The following INTS7 variants were observed in gnomAD, a reference collection of about 807,000 sequenced individuals.
INTS7 encodes integrator complex subunit 7, also known as chromosome 1 open reading frame 73.
Under a neutral mutation model 109.2 loss-of-function variants are expected in INTS7, and 46 were observed. The ratio of observed to expected loss-of-function variants is 0.42; its 90% CI spans 0.33 to 0.54. INTS7 has a LOEUF of 0.54. Ranked by LOEUF, INTS7 falls within the 20% of genes least tolerant of loss-of-function variation. The probability of loss-of-function intolerance (pLI) is 0.07; values close to 1 mark genes in which losing one functional copy is unlikely to be tolerated. For synonymous variants in INTS7, 412 were observed against 402.9 expected, an observed-to-expected ratio of 1.02 and a Z score of -0.27; for missense variants, 929 against 1,132.4, an observed-to-expected ratio of 0.82 and a Z score of 2.58.
chr1:211,951,798 A>C (rs1331240522), intron 17 of INTS7, among the ~76,000 whole-genome samples: 1 of 152,246 alleles, frequency 6.6e-6, no homozygotes, highest in African/African-American at 2.4e-5. Flanking sequence ...CTGTTGTTTA[A>C]GGTACCAAGC....
rs1413340909 is a variant in INTS7, at chr1:212,035,496, C to T, written c.-59G>A. ...AAGCTTGCAAACTCTACCCCAGGAC[C>T]GCCATCTTCCCCCGCCGCCTTCTTG... On this transcript the variant is annotated 5_prime_UTR_variant, in exon 1 of 20. Coordinates refer to ENST00000366994, the MANE Select transcript of INTS7 (RefSeq NM_015434.4). 3 of 1,235,582 alleles carry T rather than the reference C, an allele frequency of 2.4e-6. No individual in the cohort carries two copies. Among genetic ancestry groups the T allele is most frequent in the Admixed American group, 1.7e-5 (1 of 59,308 alleles). 76.5% of individuals were successfully genotyped at this position (1,235,582 alleles called of 1,614,324 possible).
chr1:212,032,096 T>C (rs1000939230), intron 1 of INTS7, among the ~76,000 whole-genome samples: 1 of 152,212 alleles, frequency 6.6e-6, no homozygotes, highest in South Asian at 2.1e-4. Context: ...CAGTAGCTCA[T>C]ACCAAAAACC....
At chr1:211,966,343 T>C (rs1033016303) in intron 16 of INTS7, 87 bp downstream of exon 16, 14 of 762,572 alleles carry the variant, frequency 1.8e-5, no homozygotes, top group Non-Finnish European at 2.9e-5. Context: ...TCCATAGTAC[T>C]AGCTCCAAAA....
intron 4 of INTS7, among the ~76,000 whole-genome samples, chr1:212,014,919 T>G (rs893232254): frequency 3.9e-5 from 6 of 152,208 alleles, no homozygotes; most frequent in African/African-American, 1.4e-4. Context: ...GCCGCCTGCC[T>G]TGGCCTCCCA....
chr1:212,031,560 CCTGA>C (rs972639114), intron 1 of INTS7, among the ~76,000 whole-genome samples: 2 of 152,188 alleles, frequency 1.3e-5, no homozygotes, highest in Admixed American at 6.5e-5. Context: ...AACTTCTTGT[CCTGA>C]CTAACGGCAC....
Position 211,941,709 on chromosome 1 carries a change from A to C in INTS7, c.*115T>G, listed in dbSNP as rs1662637386. On this transcript the variant is annotated 3_prime_UTR_variant, in exon 20 of 20. Coordinates refer to ENST00000366994, the MANE Select transcript of INTS7 (RefSeq NM_015434.4). ...TTTTCCAGAATATTACATTACAAAA[A>C]TCAATGAATAAATGAACTACACTGT... is the stretch of plus-strand genomic sequence containing the variant. 1.4e-6 allele frequency: 2 copies of C among 1,443,802 alleles called. No homozygotes were observed. The highest frequency in any genetic ancestry group is 2.8e-5 in the South Asian group (2 of 71,768). 89.4% of individuals were successfully genotyped at this position (1,443,802 alleles called of 1,614,324 possible). A position where few individuals can be genotyped will look rare whatever the true frequency, so the allele number is the denominator to read the frequency against.
At position 211,978,523 on chromosome 1, in the gene INTS7, A is replaced by G; in HGVS notation, c.1231-12T>C. On this transcript the variant is annotated splice_polypyrimidine_tract_variant and intron_variant, in intron 10 of 19. Transcript: ENST00000366994. Reference sequence around the variant, plus strand: ...CAGTTTAGAGCAATCTGCACGCCAAAAAGAAAATGAACTAGTTACATTTTG... The same window carrying G: ...CAGTTTAGAGCAATCTGCACGCCAAGAAGAAAATGAACTAGTTACATTTTG... 1 of 1,613,804 alleles carries G rather than the reference A, an allele frequency of 6.2e-7. No homozygotes were observed.
At position 211,946,735 on chromosome 1, in the gene INTS7, AAAAT is replaced by A; in HGVS notation, c.2317-34_2317-31del. On this transcript the variant is annotated intron_variant, in intron 17 of 19. Coordinates refer to ENST00000366994, the MANE Select transcript of INTS7 (RefSeq NM_015434.4). The surrounding 1 kb of genome is among the most constrained non-coding windows in gnomAD (Gnocchi z 4.3). ...GGGAAAAAAGAAACTAAATCAAATA[AAAAT>A]AAATTTTCAAATTTCATCAACAAGT... is the stretch of plus-strand genomic sequence containing the variant. 1 of 1,515,862 alleles carries A rather than the reference AAAAT, an allele frequency of 6.6e-7. No individual in the cohort carries two copies. Among genetic ancestry groups the A allele is most frequent in the Non-Finnish European group, 9.1e-7 (1 of 1,100,594 alleles). The allele number at this position is 1,515,862 out of a possible 1,614,324, so 93.9% of individuals were successfully genotyped here.
Position 211,981,100 on chromosome 1 carries a change from G to A in INTS7, c.1223C>T (p.Thr408Ile), listed in dbSNP as rs142480340. The A allele has an allele frequency of 9.7e-5, 156 of 1,605,346 alleles. No individual in the cohort carries two copies. The Middle Eastern group carries it at 2.3e-3, about 24-fold the overall frequency. Residue 408 changes from threonine (T) to isoleucine (I), a missense_variant, in exon 10 of 20, where the codon ACT becomes ATT. By Grantham distance (89) the Thr-to-Ile change is moderately conservative. Transcript: ENST00000366994. ...SQDDSPGAQA[T>I]LKIALNCMVK... ...ATAAATAAAAGTTTTCACCTTTAAA[G>A]TGGCCTGAGCACCTGGACTATCATC...
chr1:212,013,332 T>A (rs186016021), intron 4 of INTS7, among the ~76,000 whole-genome samples: 190 of 152,160 alleles, frequency 1.2e-3, no homozygotes, highest in African/African-American at 4.6e-3. Context: ...TGTCTTAATT[T>A]TAACAAAAAA....
chr1:212,001,674 T>C (rs1665676864), intron 7 of INTS7, among the ~76,000 whole-genome samples: 1 of 152,184 alleles, frequency 6.6e-6, no homozygotes, highest in South Asian at 2.1e-4. Flanking sequence ...GCAGCAAAAT[T>C]GCTCTCTTAA....
rs558578484 is a variant in INTS7 at position 212,002,692 on chromosome 1, A to T, written c.879+3947T>A. On this transcript the variant is annotated intron_variant, in intron 7 of 19. Coordinates refer to ENST00000366994, the MANE Select transcript of INTS7 (RefSeq NM_015434.4). ...CTTCGCAGTGAGGGTTTCCCTAACC[A>T]GCCTACTTAAAACTGCAACCTCCAC... Among the ~76,000 whole-genome samples, 33 of 152,346 alleles carry T rather than the reference A, an allele frequency of 2.2e-4. 1 individual carries two copies. Among genetic ancestry groups the T allele is most frequent in the African/African-American group, 7.7e-4 (32 of 41,584 alleles).
intron 16 of INTS7, among the ~76,000 whole-genome samples, chr1:211,956,799 G>A (rs1272793056): frequency 1.3e-5 from 2 of 151,944 alleles, no homozygotes; most frequent in African/African-American, 4.8e-5. Context: ...TTTCATTTGT[G>A]GATATACTAC....
At chr1:211,978,607 G>T in intron 10 of INTS7, 96 bp from the exon 11 acceptor site, 1 of 1,362,200 alleles carries the variant, frequency 7.3e-7, no homozygotes. Context: ...GGAAACTCAA[G>T]GGTGAGGTTT....
chr1:212,007,664 T>C (rs899106424), intron 5 of INTS7, among the ~76,000 whole-genome samples: 1 of 152,202 alleles, frequency 6.6e-6, no homozygotes, highest in African/African-American at 2.4e-5. Context: ...ATTATAAAAC[T>C]ACATGCTGAT....
chr1:212,013,737 T>C (rs1666267999), intron 4 of INTS7, among the ~76,000 whole-genome samples: 1 of 152,230 alleles, frequency 6.6e-6, no homozygotes, highest in Non-Finnish European at 1.5e-5. Flanking sequence ...GATATACATA[T>C]ACTTACCACT....
At chr1:211,969,729 T>C (rs1664086442) in intron 13 of INTS7, among the ~76,000 whole-genome samples, 1 of 150,758 alleles carries the variant, frequency 6.6e-6, no homozygotes, top group Non-Finnish European at 1.5e-5. Flanking sequence ...CTAATTTTTT[T>C]TTTTTTTTGA....
At position 211,946,397 on chromosome 1, in the gene INTS7, C is replaced by T. The variant is rs1197739524; in HGVS notation, c.2415+210G>A. Among the ~76,000 whole-genome samples the T allele has an allele frequency of 9.9e-5, 15 of 152,138 alleles. No individual in the cohort carries two copies. Among genetic ancestry groups the T allele is most frequent in the Non-Finnish European group, 1.6e-4 (11 of 68,016 alleles). On this transcript the variant is annotated intron_variant, in intron 18 of 19. Transcript: ENST00000366994. The surrounding 1 kb of genome is among the most constrained non-coding windows in gnomAD (Gnocchi z 4.3). The stretch of plus-strand genomic sequence containing the variant: ...CCTTGGGAGGCTGAGGCAGGAGAAT[C>T]GCTTGAACCCGGAGGTTGCGGTGAG...
chr1:211,988,235 C>T (rs1405603110), intron 7 of INTS7, among the ~76,000 whole-genome samples: 1 of 151,810 alleles, frequency 6.6e-6, no homozygotes, highest in East Asian at 1.9e-4. Context: ...CCAGCCTGGG[C>T]TCAAAGTGAG....
Sources: allele counts gnomAD v4.1 joint callset (sites outside exome capture counted in the v4.1 genomes callset), GRCh38; gene constraint gnomAD v4.1.1; non-coding constraint Gnocchi (gnomAD v3.1); transcripts MANE v1.5; gene names NCBI Gene and HGNC (gene_info 2026-07-23, HGNC 2026-07-21).